The following ZSCAN30 variants were observed in gnomAD, a reference collection of about 807,000 sequenced individuals.
The protein encoded by ZSCAN30 is zinc finger and SCAN domain-containing protein 30.
ZSCAN30 carries 37 observed loss-of-function variants against 44.3 expected under a neutral mutation model. That is an observed-to-expected ratio of 0.84 (90% CI 0.64 to 1.10). The LOEUF (loss-of-function observed/expected upper bound fraction) is 1.10, where lower values mean the gene tolerates loss of function less well. Among genes scored for constraint, ZSCAN30 ranks in the 50% least tolerant of loss-of-function variants. ZSCAN30 has a pLI of 0.00. For missense variants in ZSCAN30, 549 were observed against 582.6 expected (o/e 0.94, Z 0.59); for synonymous variants, 181 against 204.6 (o/e 0.88, Z 0.98).
At chr18:35,263,422 C>G in intron 3 of ZSCAN30, 91 bp downstream of exon 3, 1 of 1,530,974 alleles carries the variant, frequency 6.5e-7, no homozygotes, top group Non-Finnish European at 9.0e-7. Context: ...TTAGTGATAG[C>G]CACAAGTGGC....
chr18:35,264,001 C>A lies in ZSCAN30; in HGVS notation c.352G>T (p.Glu118Ter), dbSNP rs535183249. 1.1e-5 allele frequency: 17 copies of A among 1,614,258 alleles called. No homozygotes were observed. The African/African-American group carries it at 2.1e-4, about 20-fold the overall frequency. ...AGCTCCTCCAGCATAGTCACAGCTT[C>A]CTCTCCATTCTCTGGCCGATGCTCT... The part of the protein sequence containing the change: ...LREHRPENGE[E>*]AVTMLEELEK... The change falls in exon 2 of 4, where the codon GAA becomes TAA. Residue 118 changes from glutamate to a stop codon, truncating the protein, a stop_gained. Coordinates refer to ENST00000333206, the MANE Select transcript of ZSCAN30 (RefSeq NM_001112734.4). LOFTEE classifies it high-confidence loss of function.
At chr18:35,273,748 A>G (rs546435815) in intron 1 of ZSCAN30, among the ~76,000 whole-genome samples, 1 of 152,350 alleles carries the variant, frequency 6.6e-6, no homozygotes, top group Non-Finnish European at 1.5e-5. Context: ...TGTTTTGATA[A>G]TTGTAGCTTA....
In ZSCAN30 at chr18:35,263,542, G is replaced by A. The variant is rs1463291816; in HGVS notation, c.524C>T (p.Thr175Ile). The change falls in exon 3 of 4, where the codon ACT becomes ATT. Residue 175 changes from threonine (T) to isoleucine (I), a missense_variant. Coordinates refer to ENST00000333206, the MANE Select transcript of ZSCAN30 (RefSeq NM_001112734.4). ...CTCCTGGAAAGCCTGGGACTCCTGAGTCTCAGTCTTGCACTGGTTCTCTAA... is the reference window on the plus strand; with the variant it reads ...CTCCTGGAAAGCCTGGGACTCCTGAATCTCAGTCTTGCACTGGTTCTCTAA... Reference protein sequence around the residue: ...QPLENQCKTETQESQAFQERD... With the variant: ...QPLENQCKTEIQESQAFQERD... The A allele has an allele frequency of 1.2e-6, 2 of 1,614,208 alleles. No homozygotes were observed. The highest frequency in any genetic ancestry group is 1.1e-5 in the South Asian group (1 of 91,080).
At chr18:35,274,912 A>G (rs773111979) in intron 1 of ZSCAN30, among the ~76,000 whole-genome samples, 2 of 152,254 alleles carry the variant, frequency 1.3e-5, no homozygotes, top group South Asian at 2.1e-4. Flanking sequence ...TTGAAGAATA[A>G]TAAGTTTTTA....
Position 35,251,883 on chromosome 18 carries a change from GTCT to G in ZSCAN30, c.*1564_*1566del, listed in dbSNP as rs1261376307. ...GACTAATACAAGCAGTGATCACCAA[GTCT>G]TCTTTAGAAATGACACTACCTAGGA... On this transcript the variant is annotated 3_prime_UTR_variant, in exon 4 of 4. Coordinates refer to ENST00000333206, the MANE Select transcript of ZSCAN30 (RefSeq NM_001112734.4). 1.3e-5 allele frequency: 2 copies of G among 152,030 alleles called. No homozygotes were observed. Among genetic ancestry groups the G allele is most frequent in the East Asian group, 1.9e-4 (1 of 5,168 alleles). 9.4% of individuals were successfully genotyped at this position (152,030 alleles called of 1,614,324 possible). A position where few individuals can be genotyped will look rare whatever the true frequency, so the allele number is the denominator to read the frequency against.
At position 35,252,404 on chromosome 18, in the gene ZSCAN30, A is replaced by G. The variant is rs952424801; in HGVS notation, c.*1046T>C. Reference sequence around the variant, plus strand: ...GTGATCTGCCTTCCCAGGCTCTGCTATTCCCCATTCCCTGCCCACACCCCT... The same window carrying G: ...GTGATCTGCCTTCCCAGGCTCTGCTGTTCCCCATTCCCTGCCCACACCCCT... On this transcript the variant is annotated 3_prime_UTR_variant, in exon 4 of 4. Coordinates refer to ENST00000333206, the MANE Select transcript of ZSCAN30 (RefSeq NM_001112734.4). 1 of 152,214 alleles carries G rather than the reference A, an allele frequency of 6.6e-6. No homozygotes were observed. The highest frequency in any genetic ancestry group is 2.1e-4 in the South Asian group (1 of 4,836). 9.4% of individuals were successfully genotyped at this position (152,214 alleles called of 1,614,324 possible). A position where few individuals can be genotyped will look rare whatever the true frequency, so the allele number is the denominator to read the frequency against.
intron 1 of ZSCAN30, chr18:35,281,389 C>G (rs1215644924): frequency 6.6e-6 from 1 of 152,136 alleles, no homozygotes; most frequent in Non-Finnish European, 1.5e-5. Context: ...CAAACTCACA[C>G]ACAGAAAGCA....
chr18:35,255,228 C>T (rs1439751244), intron 3 of ZSCAN30, among the ~76,000 whole-genome samples: 1 of 151,042 alleles, frequency 6.6e-6, no homozygotes, highest in Non-Finnish European at 1.5e-5. Context: ...TTATGAGTTA[C>T]TGGAAATCTC....
intron 1 of ZSCAN30, chr18:35,280,882 T>C (rs2044443795): frequency 6.6e-6 from 1 of 152,254 alleles, no homozygotes; most frequent in Admixed American, 6.5e-5. Flanking sequence ...GAACTGGAAA[T>C]TGATTTTTAA....
intron 1 of ZSCAN30, among the ~76,000 whole-genome samples, chr18:35,271,948 GC>G (rs1164103687): frequency 6.6e-6 from 1 of 152,076 alleles, no homozygotes; most frequent in African/African-American, 2.4e-5. Context: ...CAAGTGCGGG[GC>G]CCGCCGAGCC....
chr18:35,265,738 C>T (rs8092142), intron 1 of ZSCAN30, among the ~76,000 whole-genome samples: 119,137 of 152,194 alleles, frequency 0.78, 48,250 homozygotes, highest in Non-Finnish European at 0.89. Context: ...GATAGCGTAC[C>T]AAAGAGCAGT....
At chr18:35,280,652 A>G (rs1281379194) in intron 1 of ZSCAN30, among the ~76,000 whole-genome samples, 1 of 152,232 alleles carries the variant, frequency 6.6e-6, no homozygotes, top group East Asian at 1.9e-4. Flanking sequence ...CAGAGTTTTC[A>G]GCACTGGTTC....
At chr18:35,286,443 T>C (rs1186773708) in intron 1 of ZSCAN30, among the ~76,000 whole-genome samples, 2 of 152,152 alleles carry the variant, frequency 1.3e-5, no homozygotes, top group Non-Finnish European at 1.5e-5. Flanking sequence ...TACATCACAG[T>C]GAAGCAGGGT....
chr18:35,266,024 G>A (rs140135704), intron 1 of ZSCAN30, among the ~76,000 whole-genome samples: 1 of 152,160 alleles, frequency 6.6e-6, no homozygotes, highest in African/African-American at 2.4e-5. Flanking sequence ...GGCCCACTGA[G>A]GAAACTGAAG....
In ZSCAN30 at chr18:35,251,813, A is replaced by C. The variant is rs781148084; in HGVS notation, c.*1637T>G. On this transcript the variant is annotated 3_prime_UTR_variant, in exon 4 of 4. Transcript: ENST00000333206. ...ATTAAACCTCTTTTTTTTTTTTAATAAATTACCCAGTATCAGGTAGTATCT... is the reference window on the plus strand; with the variant it reads ...ATTAAACCTCTTTTTTTTTTTTAATCAATTACCCAGTATCAGGTAGTATCT... 6.6e-5 allele frequency: 10 copies of C among 150,810 alleles called. No individual in the cohort carries two copies. The highest frequency in any genetic ancestry group is 1.2e-4 in the Non-Finnish European group (8 of 67,926). The allele number at this position is 150,810 out of a possible 1,614,324, so 9.3% of individuals were successfully genotyped here.
intron 3 of ZSCAN30, chr18:35,261,613 C>A (rs1363637149): frequency 6.8e-6 from 1 of 147,286 alleles, no homozygotes; most frequent in Admixed American, 6.9e-5. Context: ...CTCTTTGTAG[C>A]AATTGTGAAT....
intron 3 of ZSCAN30, among the ~76,000 whole-genome samples, chr18:35,255,257 C>G (rs555415959): frequency 6.6e-6 from 1 of 151,252 alleles, no homozygotes; most frequent in South Asian, 2.1e-4. Flanking sequence ...ACTACAGTAA[C>G]TCATAACAGA....
chr18:35,282,496 T>A (rs976996642), intron 1 of ZSCAN30: 23 of 133,676 alleles, frequency 1.7e-4, no homozygotes, highest in Non-Finnish European at 3.3e-4. Flanking sequence ...TTTCCTAGAA[T>A]TATTTATTTT....
intron 1 of ZSCAN30, chr18:35,284,183 C>G (rs1407580702): frequency 6.5e-6 from 1 of 153,870 alleles, no homozygotes; most frequent in Non-Finnish European, 1.4e-5. Context: ...GGCAGGTCTT[C>G]TCCCCCAGTC....
Sources: allele counts gnomAD v4.1 joint callset (sites outside exome capture counted in the v4.1 genomes callset), GRCh38; gene constraint gnomAD v4.1.1; transcripts MANE v1.5; gene names NCBI Gene and HGNC (gene_info 2026-07-23, HGNC 2026-07-21).